TRIO: variants seen among roughly 807,000 people sequenced by gnomAD.
TRIO encodes triple functional domain protein.
A neutral mutation model predicts 351.9 loss-of-function variants in TRIO; 58 were observed. The ratio of observed to expected loss-of-function variants is 0.16; its 90% CI spans 0.13 to 0.21. The LOEUF (loss-of-function observed/expected upper bound fraction) is 0.21, where lower values mean the gene tolerates loss of function less well. Among genes scored for constraint, TRIO ranks in the 10% least tolerant of loss-of-function variants. The pLI, the probability that TRIO is intolerant of heterozygous loss-of-function variation, is 1.00. For synonymous variants in TRIO, 1,758 were observed against 1,595.7 expected (o/e 1.10, Z -2.42); for missense variants, 3,201 against 4,027.8 (o/e 0.79, Z 5.56).
chr5:14,210,914 T>C (rs1302210419), intron 1 of TRIO, among the ~76,000 whole-genome samples: 1 of 150,496 alleles, frequency 6.6e-6, no homozygotes, highest in Non-Finnish European at 1.5e-5. Context: ...TTCACCCTTC[T>C]CCTCTCTGTC....
intron 53 of TRIO, among the ~76,000 whole-genome samples, chr5:14,501,572 A>T (rs1242639567): frequency 6.6e-6 from 1 of 152,236 alleles, no homozygotes; most frequent in Non-Finnish European, 1.5e-5. Context: ...GATGATTTCC[A>T]GCCATGAGTG....
At chr5:14,253,209 A>G (rs1333590909) in intron 1 of TRIO, among the ~76,000 whole-genome samples, 1 of 152,188 alleles carries the variant, frequency 6.6e-6, no homozygotes, top group Non-Finnish European at 1.5e-5. Flanking sequence ...AAATAGAAAA[A>G]TCTTTTAAGA....
chr5:14,498,686 T>A, intron 53 of TRIO, 46 bp downstream of exon 53: 1 of 1,596,604 alleles, frequency 6.3e-7, no homozygotes, highest in Admixed American at 1.7e-5. Flanking sequence ...GTGGGGCACG[T>A]CTTTCAGGAG....
intron 1 of TRIO, among the ~76,000 whole-genome samples, chr5:14,162,342 G>GATT (rs1238777737): frequency 6.6e-6 from 1 of 152,178 alleles, no homozygotes; most frequent in Non-Finnish European, 1.5e-5. Flanking sequence ...TGTTGAAGGA[G>GATT]ATTAGAGAAA....
At chr5:14,329,138 A>G (rs1342428446) in intron 9 of TRIO, among the ~76,000 whole-genome samples, 1 of 152,126 alleles carries the variant, frequency 6.6e-6, no homozygotes, top group African/African-American at 2.4e-5. Context: ...AGTACAGTTG[A>G]TCAAGGGCAA....
rs568927921 is a variant in TRIO, at chr5:14,149,388, C to T, written c.157+5506C>T. ...TAACAAGTGCATAAACACTCATTTT[C>T]GCTTCTCATTCACTCATGGAAACAC... On this transcript the variant is annotated intron_variant, in intron 1 of 56. Coordinates refer to ENST00000344204, the MANE Select transcript of TRIO (RefSeq NM_007118.4). Among the ~76,000 whole-genome samples the T allele has an allele frequency of 9.9e-5, 15 of 152,284 alleles. No homozygotes were observed. In the South Asian group the frequency reaches 1.9e-3, roughly 19 times the overall value.
chr5:14,361,411 C>T (rs1744141806), intron 13 of TRIO, among the ~76,000 whole-genome samples: 1 of 152,190 alleles, frequency 6.6e-6, no homozygotes, highest in Admixed American at 6.5e-5. Context: ...GCTGTACCTG[C>T]AGCCCAGTCT....
chr5:14,431,045 C>T (rs937786384), intron 34 of TRIO, among the ~76,000 whole-genome samples: 8 of 152,208 alleles, frequency 5.3e-5, no homozygotes, highest in Non-Finnish European at 1.0e-4. Flanking sequence ...TAAAGCTCTC[C>T]CAAATCTAAC....
At chr5:14,219,908 C>T (rs1440865397) in intron 1 of TRIO, among the ~76,000 whole-genome samples, 1 of 150,182 alleles carries the variant, frequency 6.7e-6, no homozygotes, top group Non-Finnish European at 1.5e-5. Flanking sequence ...GTTCATTGCA[C>T]ATATCAAGAG....
chr5:14,324,811 C>T (rs765658235), intron 9 of TRIO, among the ~76,000 whole-genome samples: 6 of 152,230 alleles, frequency 3.9e-5, no homozygotes, highest in Non-Finnish European at 8.8e-5. Context: ...AATACTAACA[C>T]TTCTAGTGGC....
chr5:14,270,777 T>A, intron 1 of TRIO, 48 bp from the exon 2 acceptor site: 2 of 1,481,872 alleles, frequency 1.3e-6, no homozygotes, highest in Non-Finnish European at 1.9e-6. Flanking sequence ...AGGAATTAAC[T>A]GTCACTCTGG....
At chr5:14,485,277 T>TCC in intron 47 of TRIO, 31 bp downstream of exon 47, 1 of 1,546,954 alleles carries the variant, frequency 6.5e-7, no homozygotes, top group Non-Finnish European at 8.8e-7. Context: ...AGATGTGTGC[T>TCC]TTCTTTCCTC....
chr5:14,488,866 G>C, intron 48 of TRIO: 1 of 722,898 alleles, frequency 1.4e-6, no homozygotes, highest in South Asian at 1.4e-5. Context: ...GGCACCTGGC[G>C]AGGCGGCTCT....
chr5:14,249,689 T>G (rs1408545479), intron 1 of TRIO, among the ~76,000 whole-genome samples: 1 of 152,218 alleles, frequency 6.6e-6, no homozygotes. Flanking sequence ...AGCTGATGCC[T>G]GCCTTGCTGG....
intron 34 of TRIO, among the ~76,000 whole-genome samples, chr5:14,424,453 T>C (rs1750470358): frequency 6.6e-6 from 1 of 152,188 alleles, no homozygotes; most frequent in South Asian, 2.1e-4. Context: ...TCGAAGAAGT[T>C]CAGAGTATGA....
chr5:14,367,062 A>G, intron 16 of TRIO, 83 bp downstream of exon 16: 2 of 1,573,000 alleles, frequency 1.3e-6, no homozygotes, highest in Admixed American at 1.8e-5. Flanking sequence ...GGCACTGACC[A>G]TGGGAACCAC....
chr5:14,316,903 C>T (rs192739923), intron 9 of TRIO, among the ~76,000 whole-genome samples, 160 bp downstream of exon 9: 80 of 152,242 alleles, frequency 5.3e-4, no homozygotes, highest in African/African-American at 1.7e-3. Context: ...GGCTTAGGAA[C>T]GCGTGTTCAG....
At chr5:14,263,154 A>C (rs1795460625) in intron 1 of TRIO, among the ~76,000 whole-genome samples, 1 of 152,108 alleles carries the variant, frequency 6.6e-6, no homozygotes, top group Non-Finnish European at 1.5e-5. Context: ...TGATTTTTCC[A>C]TACCAAATAT....
chr5:14,479,364 T>C lies in TRIO; in HGVS notation c.6243+14T>C, dbSNP rs571930777. 6.1e-5 allele frequency: 97 copies of C among 1,585,300 alleles called. 2 individuals are homozygous for C. In the South Asian group the frequency reaches 1.1e-3, roughly 17 times the overall value. ...ACCTTTTTTGAGGTAAGACCTAAGA[T>C]ACAAACAGAAAGTATTTCTGAATCT... On this transcript the variant is annotated intron_variant, in intron 42 of 56. Transcript: ENST00000344204.
Sources: allele counts gnomAD v4.1 joint callset (sites outside exome capture counted in the v4.1 genomes callset), GRCh38; gene constraint gnomAD v4.1.1; transcripts MANE v1.5; gene names NCBI Gene and HGNC (gene_info 2026-07-23, HGNC 2026-07-21).